Variants in LAMA3 observed in about 807,000 individuals in gnomAD.
LAMA3 encodes laminin subunit alpha-3.
In LAMA3, 281 loss-of-function variants were observed where a neutral mutation model predicts 402.0. The observed-to-expected ratio is 0.70, with a 90% confidence interval of 0.63 to 0.77. The LOEUF is 0.77. Among genes scored for constraint, LAMA3 ranks in the 30% least tolerant of loss-of-function variants. The probability of loss-of-function intolerance (pLI) is 0.00; values close to 1 mark genes in which losing one functional copy is unlikely to be tolerated. For synonymous variants in LAMA3, 1,431 were observed against 1,558.4 expected (o/e 0.92, Z 1.93); for missense variants, 3,840 against 4,215.5 (o/e 0.91, Z 2.47).
chr18:23,829,669 C>T (rs1195060558), intron 23 of LAMA3, among the ~76,000 whole-genome samples: 1 of 152,132 alleles, frequency 6.6e-6, no homozygotes. Context: ...GTACAAGTTT[C>T]TTATATGCAT....
At chr18:23,869,864 T>G (rs1027838608) in intron 37 of LAMA3, among the ~76,000 whole-genome samples, 1 of 150,950 alleles carries the variant, frequency 6.6e-6, no homozygotes, top group Non-Finnish European at 1.5e-5. Flanking sequence ...GTCAGGAGAT[T>G]GAGACCATCC....
chr18:23,913,153 A>G (rs2081493174), intron 56 of LAMA3, among the ~76,000 whole-genome samples: 1 of 152,202 alleles, frequency 6.6e-6, no homozygotes, highest in Non-Finnish European at 1.5e-5. Context: ...ACATGTAAAA[A>G]ACATATGCAC....
Position 23,895,102 on chromosome 18 carries a change from C to G in LAMA3, c.5613+44C>G, listed in dbSNP as rs746397561. The G allele has an allele frequency of 1.9e-6, 3 of 1,549,914 alleles. No individual in the cohort carries two copies. The Admixed American group carries it at 5.8e-5, about 30-fold the overall frequency. On this transcript the variant is annotated intron_variant, in intron 44 of 74. Coordinates refer to ENST00000313654, the MANE Select transcript of LAMA3 (RefSeq NM_198129.4). Reference sequence around the variant, plus strand: ...AGAGTAGACACGTGGGGAGGAGATGCTGCGGGAGTGGATTCTCCATAAGCA... The same window carrying G: ...AGAGTAGACACGTGGGGAGGAGATGGTGCGGGAGTGGATTCTCCATAAGCA...
chr18:23,698,999 A>G (rs530658604), intron 1 of LAMA3, among the ~76,000 whole-genome samples: 106 of 151,604 alleles, frequency 7.0e-4, no homozygotes, highest in African/African-American at 2.5e-3. Flanking sequence ...TAATCCTAAC[A>G]GTTTGGGAGG....
At position 23,763,418 on chromosome 18, in the gene LAMA3, C is replaced by T. The variant is rs371273390; in HGVS notation, c.1077C>T (p.His359=). ...CTTTTTTTTCAGCATGCAACTGCCA[C>T]GGCCATGCCAGCAACTGTTACTATG... ...QSHECEACNC[H]GHASNCYYDP... The change falls in exon 8 of 75, where the codon CAC becomes CAT. Residue 359 remains histidine, a synonymous_variant. Coordinates refer to ENST00000313654, the MANE Select transcript of LAMA3 (RefSeq NM_198129.4). The T allele has an allele frequency of 4.7e-5, 76 of 1,612,210 alleles. No individual in the cohort carries two copies. In the African/African-American group the frequency reaches 7.6e-4, roughly 16 times the overall value.
intron 2 of LAMA3, among the ~76,000 whole-genome samples, chr18:23,735,885 C>T (rs527588698): frequency 3.9e-5 from 6 of 152,068 alleles, no homozygotes; most frequent in South Asian, 2.1e-4. Context: ...ATGGGCTGCC[C>T]GGCCACAGGG....
chr18:23,827,874 T>C (rs1377502235), intron 23 of LAMA3, among the ~76,000 whole-genome samples: 3 of 152,134 alleles, frequency 2.0e-5, no homozygotes, highest in Non-Finnish European at 4.4e-5. Context: ...GTTCAACCCC[T>C]TAGGCTAAGC....
intron 67 of LAMA3, among the ~76,000 whole-genome samples, chr18:23,938,834 A>AG (rs940356397): frequency 4.0e-5 from 6 of 151,422 alleles, no homozygotes; most frequent in East Asian, 2.0e-4. Context: ...AGGGAGAGAA[A>AG]GGGGGGGTAT....
rs781158057 is a variant in LAMA3, at chr18:23,833,822, T to C, written c.2824-6T>C. On this transcript the variant is annotated splice_region_variant and splice_polypyrimidine_tract_variant and intron_variant, in intron 23 of 74. Coordinates refer to ENST00000313654, the MANE Select transcript of LAMA3 (RefSeq NM_198129.4). Reference sequence around the variant, plus strand: ...TCACAGTCTGTCTGCTTGGCCTCTGTGACAGGTGGAATTGCATCTGCGGCT... The same window carrying C: ...TCACAGTCTGTCTGCTTGGCCTCTGCGACAGGTGGAATTGCATCTGCGGCT... 3 of 1,612,688 alleles carry C rather than the reference T, an allele frequency of 1.9e-6. No individual in the cohort carries two copies. The highest frequency in any genetic ancestry group is 2.5e-6 in the Non-Finnish European group (3 of 1,179,974).
At chr18:23,738,075 A>G (rs926565797) in intron 2 of LAMA3, among the ~76,000 whole-genome samples, 1 of 152,084 alleles carries the variant, frequency 6.6e-6, no homozygotes, top group African/African-American at 2.4e-5. Flanking sequence ...CGGTGGTATA[A>G]GATGGAAGTA....
At chr18:23,848,248 G>A (rs1482567438) in intron 32 of LAMA3, among the ~76,000 whole-genome samples, 1 of 152,144 alleles carries the variant, frequency 6.6e-6, no homozygotes, top group African/African-American at 2.4e-5. Context: ...GCCTGAGAGT[G>A]GGGCTGCCCT....
chr18:23,838,709 G>T, intron 25 of LAMA3, 72 bp from the exon 26 acceptor site: 1 of 804,454 alleles, frequency 1.2e-6, no homozygotes, highest in African/African-American at 1.7e-5. Flanking sequence ...TTTTTAAAAG[G>T]GTGTTTTTGG....
chr18:23,868,807 T>A (rs1295664393), intron 37 of LAMA3, among the ~76,000 whole-genome samples: 3 of 152,200 alleles, frequency 2.0e-5, no homozygotes, highest in African/African-American at 7.2e-5. Context: ...GGAAAGCTCA[T>A]CAGATCATAA....
At chr18:23,936,233 TTA>T (rs201912592) in intron 67 of LAMA3, among the ~76,000 whole-genome samples, 68 of 151,196 alleles carry the variant, frequency 4.5e-4, no homozygotes, top group Non-Finnish European at 8.6e-4. Flanking sequence ...TTTTTTCTTT[TTA>T]TATATATATA....
At chr18:23,887,526 A>T (rs2080479417) in intron 41 of LAMA3, among the ~76,000 whole-genome samples, 1 of 152,206 alleles carries the variant, frequency 6.6e-6, no homozygotes, top group Non-Finnish European at 1.5e-5. Flanking sequence ...TCAAGAAAAC[A>T]AGCTATTATT....
rs375109562 is a variant in LAMA3 at position 23,847,609 on chromosome 18, C to T, written c.4077C>T (p.Ser1359=). The change falls in exon 32 of 75, where the codon TCC becomes TCT. Residue 1359 remains serine (S), a synonymous_variant. Coordinates refer to ENST00000313654, the MANE Select transcript of LAMA3 (RefSeq NM_198129.4). Reference sequence around the variant, plus strand: ...CCGGCTGCGAAGGCTGCAACTGTTCCAGGAGGGGCACCATCGAGGCTGCCA... The same window carrying T: ...CCGGCTGCGAAGGCTGCAACTGTTCTAGGAGGGGCACCATCGAGGCTGCCA... ...PMAGCEGCNC[S]RRGTIEAAMP... 11 of 1,614,058 alleles carry T rather than the reference C, an allele frequency of 6.8e-6. No individual in the cohort carries two copies. Among genetic ancestry groups the T allele is most frequent in the Admixed American group, 1.7e-5 (1 of 60,028 alleles).
At chr18:23,834,067 C>A in intron 24 of LAMA3, 79 bp downstream of exon 24, 1 of 1,509,754 alleles carries the variant, frequency 6.6e-7, no homozygotes, top group Non-Finnish European at 9.2e-7. Context: ...CTGTTACTTG[C>A]ATTGGGAGGT....
At position 23,838,198 on chromosome 18, in the gene LAMA3, A is replaced by G. The variant is rs187189733; in HGVS notation, c.3094-583A>G. ...GTTGTTGTTACTGAATAGCTTTGCAATCAAGCTGGTAATACAGTTTTGATT... is the reference window on the plus strand; with the variant it reads ...GTTGTTGTTACTGAATAGCTTTGCAGTCAAGCTGGTAATACAGTTTTGATT... On this transcript the variant is annotated intron_variant, in intron 25 of 74. Transcript: ENST00000313654. 1.6e-3 allele frequency among the ~76,000 whole-genome samples: 243 copies of G among 152,354 alleles called. 2 individuals are homozygous for G. Among genetic ancestry groups the G allele is most frequent in the Middle Eastern group, 0.01 (3 of 294 alleles).
chr18:23,912,953 G>A, intron 56 of LAMA3, 72 bp downstream of exon 56: 1 of 1,376,266 alleles, frequency 7.3e-7, no homozygotes. Context: ...TGAGATGTGT[G>A]GCACGGCTGC....
Sources: gnomAD v4.1 joint callset for allele counts (sites outside exome capture counted in the v4.1 genomes callset) on GRCh38, gnomAD v4.1.1 for gene constraint, MANE v1.5 for transcripts, NCBI Gene and HGNC (gene_info 2026-07-23, HGNC 2026-07-21) for gene names.